The following FOSB variants were observed in gnomAD, a reference collection of about 807,000 sequenced individuals.
FOSB encodes the protein protein FosB.
A neutral mutation model predicts 31.1 loss-of-function variants in FOSB; 8 were observed. The ratio of observed to expected loss-of-function variants is 0.26; its 90% CI spans 0.15 to 0.46. The LOEUF is 0.46. FOSB is among the 20% of genes least tolerant of loss of function. FOSB has a pLI of 0.99. For synonymous variants in FOSB, 214 were observed against 206.1 expected, an observed-to-expected ratio of 1.04 and a Z score of -0.33; for missense variants, 376 against 460.6, an observed-to-expected ratio of 0.82 and a Z score of 1.68.
At position 45,470,623 on chromosome 19, in the gene FOSB, C is replaced by T. The variant is rs570937964; in HGVS notation, c.127-6C>T. ...TACGCCTGTGTGTGTATGTGTCACC[C>T]CGTAGGAGTGCGCCGGTCTCGGGGA... On this transcript the variant is annotated splice_region_variant and splice_polypyrimidine_tract_variant and intron_variant, in intron 1 of 3. Transcript: ENST00000353609. 8.1e-6 allele frequency: 13 copies of T among 1,599,276 alleles called. No homozygotes were observed. Among genetic ancestry groups the T allele is most frequent in the Non-Finnish European group, 1.0e-5 (12 of 1,173,260 alleles).
At position 45,473,421 on chromosome 19, in the gene FOSB, C is replaced by A. The variant is rs926683050; in HGVS notation, c.*409C>A. On this transcript the variant is annotated 3_prime_UTR_variant, in exon 4 of 4. Coordinates refer to ENST00000353609, the MANE Select transcript of FOSB (RefSeq NM_006732.3). ...GGTAGGCTGTGGGGTGGGCTGGAGT[C>A]CTCTCCAGAGAGGCTCAACAAGGAA... 4 of 197,392 alleles carry A rather than the reference C, an allele frequency of 2.0e-5. No homozygotes were observed. Among genetic ancestry groups the A allele is most frequent in the African/African-American group, 9.4e-5 (4 of 42,778 alleles). The allele number at this position is 197,392 out of a possible 1,614,324, so 12.2% of individuals were successfully genotyped here.
At position 45,472,732 on chromosome 19, in the gene FOSB, C is replaced by T; in HGVS notation, c.737C>T (p.Pro246Leu). The part of the protein sequence containing the change: ...AEVRDLPGSA[P>L]AKEDGFSWLL... ...GTGAGAGATTTGCCGGGCTCAGCAC[C>T]GGCTAAGGAAGATGGCTTCAGCTGG... The change falls in exon 4 of 4, where the codon CCG becomes CTG. Residue 246 changes from proline (P) to leucine (L), a missense_variant. Physicochemically the swap from Pro to Leu is moderately conservative, Grantham distance 98 (BLOSUM62 -3). Coordinates refer to ENST00000353609, the MANE Select transcript of FOSB (RefSeq NM_006732.3). The surrounding 1 kb of genome is among the most constrained non-coding windows in gnomAD (Gnocchi z 5.4). The T allele has an allele frequency of 2.5e-6, 4 of 1,612,958 alleles. No homozygotes were observed. Among genetic ancestry groups the T allele is most frequent in the Non-Finnish European group, 3.4e-6 (4 of 1,179,384 alleles).
Position 45,468,828 on chromosome 19 carries a change from G to C in FOSB, c.126+116G>C, listed in dbSNP as rs1967510123. On this transcript the variant is annotated intron_variant, in intron 1 of 3. Transcript: ENST00000353609. This position sits in a 1 kb window ranked among gnomAD's most constrained non-coding sequence, Gnocchi z 4.8. ...GCATCAGAACCCTAGATCTGAGATGGAAAAGGCTCACAGCGCACTTTGCAA... is the reference window on the plus strand; with the variant it reads ...GCATCAGAACCCTAGATCTGAGATGCAAAAGGCTCACAGCGCACTTTGCAA... 1.7e-6 allele frequency: 2 copies of C among 1,160,370 alleles called. No homozygotes were observed. The highest frequency in any genetic ancestry group is 2.7e-5 in the Admixed American group (1 of 37,268). The allele number at this position is 1,160,370 out of a possible 1,614,324, so 71.9% of individuals were successfully genotyped here.
chr19:45,473,356 T>G lies in FOSB; in HGVS notation c.*344T>G. 1 of 171,242 alleles carries G rather than the reference T, an allele frequency of 5.8e-6. No homozygotes were observed. The allele number at this position is 171,242 out of a possible 1,614,324, so 10.6% of individuals were successfully genotyped here. A position where few individuals can be genotyped will look rare whatever the true frequency, so the allele number is the denominator to read the frequency against. ...GGAGGGGGGCGGGTGACGCCCACCT[T>G]CGGGCAGTCCTGTGTGAGGATTAAG... On this transcript the variant is annotated 3_prime_UTR_variant, in exon 4 of 4. Coordinates refer to ENST00000353609, the MANE Select transcript of FOSB (RefSeq NM_006732.3).
At position 45,472,070 on chromosome 19, in the gene FOSB, GA is replaced by G. The variant is rs796129432; in HGVS notation, c.556-470del. The G allele has an allele frequency of 7.8e-3, 1,144 of 147,610 alleles. 9 individuals carry two copies. The highest frequency in any genetic ancestry group is 0.022 in the African/African-American group (871 of 40,410). 9.1% of individuals were successfully genotyped at this position (147,610 alleles called of 1,614,324 possible). A position where few individuals can be genotyped will look rare whatever the true frequency, so the allele number is the denominator to read the frequency against. The stretch of plus-strand genomic sequence containing the variant: ...CATAGGGAGGACTTGTCTCTACCAA[GA>G]AAAAAAAAAATTAGTTGGGCATGGT... On this transcript the variant is annotated intron_variant, in intron 3 of 3. Coordinates refer to ENST00000353609, the MANE Select transcript of FOSB (RefSeq NM_006732.3). This position sits in a 1 kb window ranked among gnomAD's most constrained non-coding sequence, Gnocchi z 5.4.
chr19:45,472,996 C>T lies in FOSB; in HGVS notation c.1001C>T (p.Ser334Phe), dbSNP rs765482245. ...DQPSDPLNSP[S>F]LLAL is the part of the protein sequence containing the mutation. ...CCTTCCGATCCCCTGAACTCGCCCT[C>T]CCTCCTCGCTCTGTGAACTCTTTAG... The change falls in exon 4 of 4, where the codon TCC (serine) becomes TTC (phenylalanine). Residue 334 changes from serine to phenylalanine, a missense_variant. By Grantham distance (155) the Ser-to-Phe change is radical. This residue lies in a region of FOSB where 148 missense variants were observed against 170.0 expected (regional missense o/e 0.87). Transcript: ENST00000353609. The surrounding 1 kb of genome is among the most constrained non-coding windows in gnomAD (Gnocchi z 5.4). The T allele has an allele frequency of 1.2e-6, 2 of 1,609,450 alleles. No homozygotes were observed. Among genetic ancestry groups the T allele is most frequent in the African/African-American group, 2.7e-5 (2 of 74,926 alleles).
Position 45,473,069 on chromosome 19 carries a change from G to A in FOSB, c.*57G>A, listed in dbSNP as rs915065325. The stretch of plus-strand genomic sequence containing the variant: ...TGGGGGAGAGAGACTTGGAAGAGGA[G>A]GAGGAGGAGGAGAAGGAGGAGAGAG... On this transcript the variant is annotated 3_prime_UTR_variant, in exon 4 of 4. Coordinates refer to ENST00000353609, the MANE Select transcript of FOSB (RefSeq NM_006732.3). 2.7e-6 allele frequency: 4 copies of A among 1,486,654 alleles called. No homozygotes were observed. In the African/African-American group the frequency reaches 5.5e-5, roughly 20 times the overall value. 92.1% of individuals were successfully genotyped at this position (1,486,654 alleles called of 1,614,324 possible).
chr19:45,470,587 G>C (rs759281171), intron 1 of FOSB, 42 bp from the exon 2 acceptor site: 1 of 1,541,968 alleles, frequency 6.5e-7, no homozygotes, highest in East Asian at 2.3e-5. Flanking sequence ...CGGTGTCTTT[G>C]TTTGTGTGTC....
intron 1 of FOSB, chr19:45,470,383 T>G: frequency 1.9e-6 from 1 of 538,780 alleles, no homozygotes; most frequent in Non-Finnish European, 3.3e-6. Context: ...GCTGGAACCG[T>G]GCAACCTTTC....
Position 45,468,752 on chromosome 19 carries a change from AT to A in FOSB, c.126+46del. ...GTAGGGGTGCTGCTTTGTAGGTTTT[AT>A]TTTTTAAGTCAAGGGTGAAAAGAAT... On this transcript the variant is annotated intron_variant, in intron 1 of 3. Transcript: ENST00000353609. This position sits in a 1 kb window ranked among gnomAD's most constrained non-coding sequence, Gnocchi z 4.8. 1 of 1,553,770 alleles carries A rather than the reference AT, an allele frequency of 6.4e-7. No individual in the cohort carries two copies. The highest frequency in any genetic ancestry group is 8.7e-7 in the Non-Finnish European group (1 of 1,153,882).
chr19:45,472,667 C>T lies in FOSB; in HGVS notation c.672C>T (p.Ile224=), dbSNP rs1274704314. 7 of 1,601,904 alleles carry T rather than the reference C, an allele frequency of 4.4e-6. No homozygotes were observed. Among genetic ancestry groups the T allele is most frequent in the Non-Finnish European group, 5.1e-6 (6 of 1,174,784 alleles). The change falls in exon 4 of 4, where the codon ATC becomes ATT. Residue 224 remains isoleucine, a synonymous_variant. Transcript: ENST00000353609. This position sits in a 1 kb window ranked among gnomAD's most constrained non-coding sequence, Gnocchi z 5.4. Reference sequence around the variant, plus strand: ...TGGCCCACAAACCGGGCTGCAAGATCCCCTACGAAGAGGGGCCCGGGCCGG... The same window carrying T: ...TGGCCCACAAACCGGGCTGCAAGATTCCCTACGAAGAGGGGCCCGGGCCGG... ...VLVAHKPGCK[I]PYEEGPGPGP...
rs537836395 is a variant in FOSB at position 45,473,564 on chromosome 19, C to G, written c.*552C>G. The G allele has an allele frequency of 6.5e-6, 1 of 153,520 alleles. No homozygotes were observed. The highest frequency in any genetic ancestry group is 1.5e-5 in the Non-Finnish European group (1 of 68,938). The allele number at this position is 153,520 out of a possible 1,614,324, so 9.5% of individuals were successfully genotyped here. A position where few individuals can be genotyped will look rare whatever the true frequency, so the allele number is the denominator to read the frequency against. ...ATCCCACATTTCCATGGTGTGAGAT[C>G]CTCTTTACTCTGGGCAGAAGTGAGC... On this transcript the variant is annotated 3_prime_UTR_variant, in exon 4 of 4. Coordinates refer to ENST00000353609, the MANE Select transcript of FOSB (RefSeq NM_006732.3).
In FOSB at chr19:45,470,674, G is replaced by T; in HGVS notation, c.172G>T (p.Val58Phe). The change falls in exon 2 of 4, where the codon GTC (valine) becomes TTC (phenylalanine). Residue 58 changes from valine (V) to phenylalanine (F), a missense_variant. This residue lies in a region of FOSB where 193 missense variants were observed against 207.1 expected (regional missense o/e 0.93). Transcript: ENST00000353609. ...GEMPGSFVPT[V>F]TAITTSQDLQ... ...AATGCCCGGTTCCTTCGTGCCCACG[G>T]TCACCGCGATCACAACCAGCCAGGA... The T allele has an allele frequency of 6.2e-7, 1 of 1,612,866 alleles. No homozygotes were observed.
At position 45,468,285 on chromosome 19, in the gene FOSB, C is replaced by T. The variant is rs1373677587; in HGVS notation, c.-302C>T. On this transcript the variant is annotated 5_prime_UTR_variant, in exon 1 of 4. Transcript: ENST00000353609. The surrounding 1 kb of genome is among the most constrained non-coding windows in gnomAD (Gnocchi z 4.8). ...TACAGCGGGACAGCGCTTTCTGCCC[C>T]TGGGGGAGCAACCCCTCCCTCGCCC... 5 of 269,702 alleles carry T rather than the reference C, an allele frequency of 1.9e-5. No homozygotes were observed. The highest frequency in any genetic ancestry group is 3.5e-5 in the Non-Finnish European group (5 of 141,852). The allele number at this position is 269,702 out of a possible 1,614,324, so 16.7% of individuals were successfully genotyped here.
At chr19:45,470,546 T>G in intron 1 of FOSB, 83 bp from the exon 2 acceptor site, 2 of 1,323,426 alleles carry the variant, frequency 1.5e-6, no homozygotes, top group Non-Finnish European at 2.1e-6. Context: ...ACGGGGTCGG[T>G]GTGTGTTATG....
intron 1 of FOSB, among the ~76,000 whole-genome samples, chr19:45,469,162 A>G (rs1967528505): frequency 6.6e-6 from 1 of 152,088 alleles, no homozygotes; most frequent in East Asian, 1.9e-4. Context: ...CCCTCCACCC[A>G]TCGGGAAGAG....
At position 45,470,767 on chromosome 19, in the gene FOSB, T is replaced by C. The variant is rs1482860759; in HGVS notation, c.265T>C (p.Ser89Pro). 3.1e-6 allele frequency: 5 copies of C among 1,613,760 alleles called. No homozygotes were observed. The East Asian group carries it at 1.1e-4, about 36-fold the overall frequency. ...MAQSQGQPLA[S>P]QPPVVDPYDM... is the part of the protein sequence containing the mutation. The stretch of plus-strand genomic sequence containing the variant: ...CCAGTCCCAGGGGCAGCCACTGGCC[T>C]CCCAGCCCCCGGTCGTCGACCCCTA... Residue 89 changes from serine (S) to proline (P), a missense_variant, in exon 2 of 4, where the codon TCC becomes CCC. Physicochemically the swap from Ser to Pro is moderately conservative, Grantham distance 74. Around this residue, in one of 3 missense-constraint regions of FOSB, gnomAD observed 193 missense variants for 207.1 expected, o/e 0.93. Transcript: ENST00000353609.
Position 45,470,853 on chromosome 19 carries a change from G to A in FOSB, c.351G>A (p.Ala117=), listed in dbSNP as rs776431088. 3 of 1,614,058 alleles carry A rather than the reference G, an allele frequency of 1.9e-6. No individual in the cohort carries two copies. The highest frequency in any genetic ancestry group is 1.6e-4 in the Middle Eastern group (1 of 6,062). ...PGMSGYSSGG[A]SGSGGPSTSG... is the part of the protein sequence containing the mutation. Reference sequence around the variant, plus strand: ...TGAGTGGCTACAGCAGTGGCGGAGCGAGTGGCAGTGGTGGGCCTTCCACCA... The same window carrying A: ...TGAGTGGCTACAGCAGTGGCGGAGCAAGTGGCAGTGGTGGGCCTTCCACCA... Residue 117 remains alanine (A), a synonymous_variant, in exon 2 of 4, where the codon GCG becomes GCA. Transcript: ENST00000353609.
rs1599888625 is a variant in FOSB, at chr19:45,470,862, T to G, written c.360T>G (p.Ser120Arg). The G allele has an allele frequency of 6.2e-7, 1 of 1,613,826 alleles. No homozygotes were observed. The highest frequency in any genetic ancestry group is 8.5e-7 in the Non-Finnish European group (1 of 1,179,956). ...SGYSSGGASG[S>R]GGPSTSGTTS... ...ACAGCAGTGGCGGAGCGAGTGGCAG[T>G]GGTGGGCCTTCCACCAGCGGAACTA... Residue 120 changes from serine (S) to arginine (R), a missense_variant, in exon 2 of 4, where the codon AGT becomes AGG. By Grantham distance (110) the Ser-to-Arg change is moderately radical. Around this residue, in one of 3 missense-constraint regions of FOSB, gnomAD observed 193 missense variants for 207.1 expected, o/e 0.93. Transcript: ENST00000353609.
Sources: gnomAD v4.1 joint callset for allele counts (sites outside exome capture counted in the v4.1 genomes callset) on GRCh38, gnomAD v4.1.1 for gene constraint, gnomAD v4.1.1 regional missense constraint, Gnocchi (gnomAD v3.1) non-coding constraint, MANE v1.5 for transcripts, NCBI Gene and HGNC (gene_info 2026-07-23, HGNC 2026-07-21) for gene names.